The following C8orf34 variants were observed in gnomAD, a reference collection of about 807,000 sequenced individuals.
C8orf34 encodes uncharacterized protein C8orf34.
In C8orf34, 65 loss-of-function variants were observed where a neutral mutation model predicts 68.3. The ratio of observed to expected loss-of-function variants is 0.95; its 90% CI spans 0.78 to 1.17. The LOEUF (loss-of-function observed/expected upper bound fraction) is 1.17, where lower values mean the gene tolerates loss of function less well. Among genes scored for constraint, C8orf34 ranks in the 50% most tolerant of loss-of-function variants. The pLI is 0.00. For synonymous variants in C8orf34, 244 were observed against 241.2 expected (o/e 1.01, Z -0.11); for missense variants, 664 against 655.4 (o/e 1.01, Z -0.14).
At chr8:68,354,095 G>T (rs1457959458) in intron 1 of C8orf34, among the ~76,000 whole-genome samples, 1 of 152,034 alleles carries the variant, frequency 6.6e-6, no homozygotes, top group African/African-American at 2.4e-5. Context: ...GGAGAGAGAG[G>T]AGTAGTCAGA....
intron 5 of C8orf34, among the ~76,000 whole-genome samples, chr8:68,511,908 G>T (rs940293812): frequency 3.3e-5 from 5 of 152,252 alleles, no homozygotes; most frequent in South Asian, 4.2e-4. Context: ...AGTCAAAAAG[G>T]TTGCTTCAGC....
At chr8:68,454,378 G>C (rs2129627904) in intron 3 of C8orf34, among the ~76,000 whole-genome samples, 1 of 152,084 alleles carries the variant, frequency 6.6e-6, no homozygotes, top group Non-Finnish European at 1.5e-5. Context: ...ATTTACCAGG[G>C]AAGCCGCTTT....
intron 8 of C8orf34, among the ~76,000 whole-genome samples, chr8:68,681,486 G>C (rs546981810): frequency 2.0e-5 from 3 of 152,226 alleles, no homozygotes; most frequent in African/African-American, 7.2e-5. Context: ...CAGTTAAAAT[G>C]ACTTTTATCC....
chr8:68,774,350 A>ATAT lies in C8orf34; in HGVS notation c.1405-2049_1405-2048insTAT, dbSNP rs1563661802. 7.2e-4 allele frequency among the ~76,000 whole-genome samples: 79 copies of ATAT among 109,530 alleles called. 1 individual carries two copies. The highest frequency in any genetic ancestry group is 4.0e-3 in the African/African-American group (71 of 17,862). 71.9% of individuals were successfully genotyped at this position (109,530 alleles called of 152,430 possible). A position where few individuals can be genotyped will look rare whatever the true frequency, so the allele number is the denominator to read the frequency against. ...GTGTGTGTATATATATATATATATA[A>ATAT]AATAAACAAAAAAATAAACAGTTTA... On this transcript the variant is annotated intron_variant, in intron 10 of 13. Transcript: ENST00000518698.
intron 12 of C8orf34, among the ~76,000 whole-genome samples, chr8:68,809,943 T>C (rs973560452): frequency 6.6e-6 from 1 of 152,220 alleles, no homozygotes; most frequent in Non-Finnish European, 1.5e-5. Context: ...TGTGACATAA[T>C]ACTTTTTTCT....
At chr8:68,540,325 A>G (rs1288347087) in intron 7 of C8orf34, among the ~76,000 whole-genome samples, 1 of 150,670 alleles carries the variant, frequency 6.6e-6, no homozygotes, top group African/African-American at 2.4e-5. Flanking sequence ...TATATCTAGT[A>G]TGAACTTAAA....
chr8:68,354,495 C>T (rs1337244195), intron 1 of C8orf34, among the ~76,000 whole-genome samples: 1 of 152,106 alleles, frequency 6.6e-6, no homozygotes, highest in Non-Finnish European at 1.5e-5. Context: ...GTGTGACCCA[C>T]AGCACCCAGC....
At position 68,447,766 on chromosome 8, in the gene C8orf34, T is replaced by G. The variant is rs145912032; in HGVS notation, c.607+1306T>G. On this transcript the variant is annotated intron_variant, in intron 3 of 13. Transcript: ENST00000518698. ...AAAGTATTGCATTAACCACACCAAG[T>G]TCTTGTGAGAATTATATGAAGTGTT... 5.3e-5 allele frequency: 8 copies of G among 152,340 alleles called. No homozygotes were observed. In the East Asian group the frequency reaches 1.4e-3, roughly 26 times the overall value. 9.4% of individuals were successfully genotyped at this position (152,340 alleles called of 1,614,324 possible).
intron 8 of C8orf34, among the ~76,000 whole-genome samples, chr8:68,702,479 A>G (rs1221559074): frequency 2.6e-5 from 4 of 152,110 alleles, no homozygotes; most frequent in African/African-American, 9.7e-5. Context: ...AACGTATTCA[A>G]TTCTTATTCA....
chr8:68,731,327 A>T (rs1000314585), intron 10 of C8orf34, among the ~76,000 whole-genome samples: 2 of 152,208 alleles, frequency 1.3e-5, no homozygotes, highest in Admixed American at 1.3e-4. Flanking sequence ...AAAAGTGACC[A>T]TATTTGTGTT....
chr8:68,762,029 C>A (rs1475805591), intron 10 of C8orf34, among the ~76,000 whole-genome samples: 1 of 152,180 alleles, frequency 6.6e-6, no homozygotes, highest in Non-Finnish European at 1.5e-5. Flanking sequence ...ATAAAAGTGG[C>A]CAACACTGCT....
chr8:68,584,758 T>G (rs1009901087), intron 7 of C8orf34, among the ~76,000 whole-genome samples: 1 of 152,180 alleles, frequency 6.6e-6, no homozygotes, highest in Non-Finnish European at 1.5e-5. Context: ...CTTTATTTTC[T>G]TTTTCTAAAA....
chr8:68,790,263 A>G (rs1282252821), intron 12 of C8orf34, among the ~76,000 whole-genome samples: 2 of 152,216 alleles, frequency 1.3e-5, no homozygotes, highest in Admixed American at 1.3e-4. Context: ...AAGGAAATAA[A>G]TGACATAAAT....
chr8:68,723,533 T>C (rs2129526546), intron 10 of C8orf34, among the ~76,000 whole-genome samples: 2 of 152,270 alleles, frequency 1.3e-5, no homozygotes, highest in South Asian at 4.1e-4. Flanking sequence ...TAACCTACTG[T>C]TGCATTAATT....
At chr8:68,718,151 T>G (rs930195878) in intron 9 of C8orf34, among the ~76,000 whole-genome samples, 1 of 152,202 alleles carries the variant, frequency 6.6e-6, no homozygotes, top group Admixed American at 6.5e-5. Flanking sequence ...ATTTCCAAAT[T>G]GTTTTTGAAT....
At chr8:68,571,230 T>A (rs1214728070) in intron 7 of C8orf34, among the ~76,000 whole-genome samples, 1 of 152,208 alleles carries the variant, frequency 6.6e-6, no homozygotes, top group Non-Finnish European at 1.5e-5. Flanking sequence ...TAGCTACTCC[T>A]AGGCCATTTA....
intron 8 of C8orf34, among the ~76,000 whole-genome samples, chr8:68,684,230 A>G (rs1820448654): frequency 6.6e-6 from 1 of 152,154 alleles, no homozygotes; most frequent in Admixed American, 6.6e-5. Flanking sequence ...GCCAGCATGC[A>G]TCACTGTGGG....
chr8:68,481,527 C>T (rs1812859688), intron 4 of C8orf34, among the ~76,000 whole-genome samples: 1 of 152,208 alleles, frequency 6.6e-6, no homozygotes, highest in African/African-American at 2.4e-5. Flanking sequence ...ACACTCAAAG[C>T]CAGCCCATGG....
intron 7 of C8orf34, among the ~76,000 whole-genome samples, chr8:68,548,527 C>T (rs1416608970): frequency 6.6e-6 from 1 of 151,766 alleles, no homozygotes; most frequent in Admixed American, 6.6e-5. Context: ...AGATTCTCAA[C>T]ACTAAATGTT....
Sources: allele counts gnomAD v4.1 joint callset (sites outside exome capture counted in the v4.1 genomes callset), GRCh38; gene constraint gnomAD v4.1.1; transcripts MANE v1.5; gene names NCBI Gene and HGNC (gene_info 2026-07-23, HGNC 2026-07-21).